The following PHLDB2 variants were observed in gnomAD, a reference collection of about 807,000 sequenced individuals.
The protein encoded by PHLDB2 is pleckstrin homology like domain family B member 2, also known as pleckstrin homology-like domain family B member 2.
Under a neutral mutation model 123.6 loss-of-function variants are expected in PHLDB2, and 71 were observed. The observed-to-expected ratio is 0.57, with a 90% CI of 0.47 to 0.70. The LOEUF (loss-of-function observed/expected upper bound fraction) is 0.70, where lower values mean the gene tolerates loss of function less well. PHLDB2 is among the 30% of genes least tolerant of loss of function. The pLI is 0.00. For missense variants in PHLDB2, 1,446 were observed against 1,519.5 expected (o/e 0.95, Z 0.80); for synonymous variants, 547 against 541.6 (o/e 1.01, Z -0.14).
At chr3:111,829,737 T>C (rs9871340) in intron 1 of PHLDB2, among the ~76,000 whole-genome samples, 63,077 of 151,882 alleles carry the variant, frequency 0.42, 13,972 homozygotes, top group African/African-American at 0.55. Flanking sequence ...GCTGGGATTA[T>C]AGGCATGAGC....
chr3:111,860,273 T>G (rs563468989), intron 1 of PHLDB2, among the ~76,000 whole-genome samples: 1 of 152,278 alleles, frequency 6.6e-6, no homozygotes, highest in South Asian at 2.1e-4. Context: ...TTTGGCTAGC[T>G]GCGCTTCTAG....
At chr3:111,883,653 A>G (rs892917976) in intron 1 of PHLDB2, among the ~76,000 whole-genome samples, 1 of 152,212 alleles carries the variant, frequency 6.6e-6, no homozygotes, top group African/African-American at 2.4e-5. Context: ...TGAACAGTTA[A>G]TGATTCTAGC....
chr3:111,758,284 T>C (rs939783824), intron 1 of PHLDB2, among the ~76,000 whole-genome samples: 3 of 152,188 alleles, frequency 2.0e-5, no homozygotes, highest in African/African-American at 7.2e-5. Context: ...CCTGCTTTGT[T>C]TACCTAAGCA....
At chr3:111,854,824 G>A (rs556515346), upstream of PHLDB2, among the ~76,000 whole-genome samples, 1 of 152,302 alleles carries the variant, frequency 6.6e-6, no homozygotes, top group Non-Finnish European at 1.5e-5. Context: ...TGTCCCCAGT[G>A]GCTGTGAAAA....
At chr3:111,742,317 AT>A (rs2059616769) in intron 1 of PHLDB2, among the ~76,000 whole-genome samples, 1 of 151,916 alleles carries the variant, frequency 6.6e-6, no homozygotes, top group Non-Finnish European at 1.5e-5. Context: ...ATATATATAT[AT>A]TTTTTATTAT....
chr3:111,796,885 T>C (rs1227194746), intron 1 of PHLDB2, among the ~76,000 whole-genome samples: 1 of 152,230 alleles, frequency 6.6e-6, no homozygotes, highest in Non-Finnish European at 1.5e-5. Flanking sequence ...AATAATAAAA[T>C]GTAAAATTCT....
chr3:111,952,143 T>TTGTTTA (rs2070751440), intron 10 of PHLDB2, among the ~76,000 whole-genome samples: 1 of 152,186 alleles, frequency 6.6e-6, no homozygotes, highest in South Asian at 2.1e-4. Context: ...CCCTGTTTAC[T>TTGTTTA]CGCTTTTTCT....
In PHLDB2 at chr3:111,884,885, C is replaced by G; in HGVS notation, c.808C>G (p.Leu270Val). Residue 270 changes from leucine to valine, a missense_variant, in exon 2 of 18, where the codon CTC becomes GTC. This residue lies in a region of PHLDB2 where 832 missense variants were observed against 831.9 expected (regional missense o/e 1.00). Transcript: ENST00000431670. The part of the protein sequence containing the change: ...YRATENQLTP[L>V]SLPPRNSLGN... ...AGCCACAGAGAACCAGCTGACACCTCTCAGCTTGCCTCCAAGAAACTCTCT... is the reference window on the plus strand; with the variant it reads ...AGCCACAGAGAACCAGCTGACACCTGTCAGCTTGCCTCCAAGAAACTCTCT... 6.2e-7 allele frequency: 1 copy of G among 1,614,162 alleles called. No homozygotes were observed. Among genetic ancestry groups the G allele is most frequent in the Non-Finnish European group, 8.5e-7 (1 of 1,180,022 alleles).
At chr3:111,797,526 T>A (rs1049124752) in intron 1 of PHLDB2, among the ~76,000 whole-genome samples, 1 of 152,200 alleles carries the variant, frequency 6.6e-6, no homozygotes, top group Non-Finnish European at 1.5e-5. Flanking sequence ...TGTGTAAGGA[T>A]TCCGTAAGAC....
chr3:111,945,331 C>T lies in PHLDB2; in HGVS notation c.2461C>T (p.Pro821Ser), dbSNP rs776193196. 6 of 1,607,274 alleles carry T rather than the reference C, an allele frequency of 3.7e-6. No individual in the cohort carries two copies. The highest frequency in any genetic ancestry group is 5.1e-6 in the Non-Finnish European group (6 of 1,174,598). ...CAGCCTCTCTGGGGGGAAAGGGTTT[C>T]CCGTTAACCCCAATACTTTAAAAGA... is the stretch of plus-strand genomic sequence containing the variant. ...YSSLSGGKGF[P>S]VNPNTLKEGY... The change falls in exon 9 of 18, where the codon CCC becomes TCC. Residue 821 changes from proline to serine, a missense_variant. Transcript: ENST00000431670.
intron 2 of PHLDB2, chr3:111,911,508 A>C (rs776499676): frequency 3.2e-6 from 3 of 936,588 alleles, no homozygotes; most frequent in Non-Finnish European, 4.8e-6. Flanking sequence ...AAGGCAATGA[A>C]GGCTATGTCC....
At chr3:111,834,123 T>A (rs1166233965) in intron 1 of PHLDB2, among the ~76,000 whole-genome samples, 22 of 102,724 alleles carry the variant, frequency 2.1e-4, no homozygotes, top group Admixed American at 4.5e-4. Context: ...TGTAATAGAA[T>A]TATATATATA....
intron 2 of PHLDB2, among the ~76,000 whole-genome samples, chr3:111,898,402 C>G (rs1313367193): frequency 6.6e-6 from 1 of 152,174 alleles, no homozygotes. Context: ...AGGCTCGTCT[C>G]GAACTCCTGA....
chr3:111,891,248 G>T (rs1159411180), intron 2 of PHLDB2, among the ~76,000 whole-genome samples: 1 of 152,178 alleles, frequency 6.6e-6, no homozygotes, highest in East Asian at 1.9e-4. Context: ...GGCCTGTTAG[G>T]AATGGGGCCG....
chr3:111,752,569 A>G (rs1286768707), intron 1 of PHLDB2, among the ~76,000 whole-genome samples: 1 of 151,944 alleles, frequency 6.6e-6, no homozygotes, highest in Non-Finnish European at 1.5e-5. Flanking sequence ...AAATGTCAGA[A>G]TCAGAGTTTA....
chr3:111,815,021 G>A (rs1216255323), intron 1 of PHLDB2, among the ~76,000 whole-genome samples: 4 of 152,172 alleles, frequency 2.6e-5, no homozygotes, highest in African/African-American at 9.7e-5. Context: ...AGTCTCACGA[G>A]AGCTGGTGGT....
chr3:111,929,950 C>T (rs1403893129), intron 5 of PHLDB2, among the ~76,000 whole-genome samples: 1 of 146,226 alleles, frequency 6.8e-6, no homozygotes, highest in South Asian at 2.2e-4. Context: ...CTCACTCTGT[C>T]GCCCAGGCTG....
intron 6 of PHLDB2, among the ~76,000 whole-genome samples, chr3:111,939,104 G>T (rs926323984): frequency 6.6e-6 from 1 of 152,122 alleles, no homozygotes; most frequent in African/African-American, 2.4e-5. Context: ...CACCCACCAC[G>T]CCTGGCCAAG....
intron 1 of PHLDB2, among the ~76,000 whole-genome samples, chr3:111,743,560 C>G (rs953766869): frequency 2.6e-5 from 4 of 152,194 alleles, no homozygotes; most frequent in Non-Finnish European, 5.9e-5. Context: ...CTTCTGATGT[C>G]AGCAGCTGGC....
Sources: gnomAD v4.1 joint callset for allele counts (sites outside exome capture counted in the v4.1 genomes callset) on GRCh38, gnomAD v4.1.1 for gene constraint, gnomAD v4.1.1 regional missense constraint, MANE v1.5 for transcripts, NCBI Gene and HGNC (gene_info 2026-07-23, HGNC 2026-07-21) for gene names.